Variants in PDZRN3 observed in about 807,000 individuals in gnomAD.
PDZRN3 encodes the protein E3 ubiquitin-protein ligase PDZRN3.
Under a neutral mutation model 85.7 loss-of-function variants are expected in PDZRN3, and 38 were observed. The ratio of observed to expected loss-of-function variants is 0.44; its 90% CI spans 0.34 to 0.58. The LOEUF (loss-of-function observed/expected upper bound fraction) is 0.58. Among genes scored for constraint, PDZRN3 ranks in the 20% least tolerant of loss-of-function variants. The probability of loss-of-function intolerance (pLI) is 0.01; values close to 1 mark genes in which losing one functional copy is unlikely to be tolerated. For synonymous variants in PDZRN3, 759 were observed against 638.0 expected, an observed-to-expected ratio of 1.19 and a Z score of -2.86; for missense variants, 1,629 against 1,506.4, an observed-to-expected ratio of 1.08 and a Z score of -1.35.
intron 3 of PDZRN3, among the ~76,000 whole-genome samples, chr3:73,417,083 T>C (rs1243462049): frequency 6.6e-6 from 1 of 151,962 alleles, no homozygotes; most frequent in East Asian, 1.9e-4. Flanking sequence ...GGTTTCACCA[T>C]GTTGGCCAGG....
chr3:73,573,772 C>CACATAT lies in PDZRN3; in HGVS notation c.918+28576_918+28581dup, dbSNP rs71126879. Among the ~76,000 whole-genome samples, 48 of 150,862 alleles carry CACATAT rather than the reference C, an allele frequency of 3.2e-4. 1 individual carries two copies. Among genetic ancestry groups the CACATAT allele is most frequent in the Admixed American group, 5.3e-4 (8 of 15,112 alleles). On this transcript the variant is annotated intron_variant, in intron 3 of 9. Coordinates refer to ENST00000263666, the MANE Select transcript of PDZRN3 (RefSeq NM_015009.3). ...ATAGCCACACACACAAATACATACACACATATACATATACATATACATATA... is the reference window on the plus strand; with the variant it reads ...ATAGCCACACACACAAATACATACACACATATACATATACATATACATATACATATA...
At chr3:73,493,574 G>A (rs1259096909) in intron 3 of PDZRN3, among the ~76,000 whole-genome samples, 5 of 152,056 alleles carry the variant, frequency 3.3e-5, no homozygotes, top group African/African-American at 7.2e-5. Flanking sequence ...TGGTATCCCT[G>A]TAATGTGCAC....
intron 1 of PDZRN3, among the ~76,000 whole-genome samples, chr3:73,621,045 A>C (rs893984773): frequency 3.3e-5 from 5 of 152,252 alleles, no homozygotes; most frequent in Non-Finnish European, 7.3e-5. Context: ...GACCAGCATC[A>C]TCTGGGAGCT....
At chr3:73,390,278 A>G (rs1007747842) in intron 6 of PDZRN3, among the ~76,000 whole-genome samples, 1 of 152,242 alleles carries the variant, frequency 6.6e-6, no homozygotes, top group African/African-American at 2.4e-5. Context: ...AATTTGGAAA[A>G]TAACTTTAAA....
At chr3:73,509,342 G>A (rs920186421) in intron 3 of PDZRN3, among the ~76,000 whole-genome samples, 13 of 152,224 alleles carry the variant, frequency 8.5e-5, no homozygotes, top group African/African-American at 3.1e-4. Flanking sequence ...GGACCCAGGA[G>A]GACGCAGACC....
At chr3:73,393,829 A>G (rs1419206641) in intron 5 of PDZRN3, among the ~76,000 whole-genome samples, 1 of 152,212 alleles carries the variant, frequency 6.6e-6, no homozygotes, top group Non-Finnish European at 1.5e-5. Context: ...GCCTACTACC[A>G]AACATGTAGG....
At chr3:73,547,223 A>G (rs1039975244) in intron 3 of PDZRN3, among the ~76,000 whole-genome samples, 8 of 152,160 alleles carry the variant, frequency 5.3e-5, no homozygotes, top group African/African-American at 1.9e-4. Flanking sequence ...GACTCATTTC[A>G]TTTCTGTGGT....
intron 3 of PDZRN3, among the ~76,000 whole-genome samples, chr3:73,570,075 C>T (rs1300464185): frequency 6.6e-6 from 1 of 152,180 alleles, no homozygotes; most frequent in Non-Finnish European, 1.5e-5. Context: ...TACTACCCCG[C>T]TGACACATTA....
In PDZRN3 at chr3:73,617,709, A is replaced by AT. The variant is rs68016618; in HGVS notation, c.723+6393dup. Among the ~76,000 whole-genome samples the AT allele has an allele frequency of 2.0e-3, 291 of 148,014 alleles. 3 individuals are homozygous for AT. In the East Asian group the frequency reaches 0.028, roughly 14 times the overall value. On this transcript the variant is annotated intron_variant, in intron 1 of 9. Coordinates refer to ENST00000263666, the MANE Select transcript of PDZRN3 (RefSeq NM_015009.3). ...CATCATCTCTTTTTTGTCTAAATCT[A>AT]TTTTTTTTTTTAACAGGGTCTCACT... is the stretch of plus-strand genomic sequence containing the variant.
At chr3:73,462,256 T>C (rs1217842198) in intron 3 of PDZRN3, among the ~76,000 whole-genome samples, 1 of 152,120 alleles carries the variant, frequency 6.6e-6, no homozygotes, top group African/African-American at 2.4e-5. Context: ...AGTCATACTT[T>C]TGTCATTAAA....
intron 7 of PDZRN3, among the ~76,000 whole-genome samples, chr3:73,388,383 GGAA>G (rs1349900003): frequency 4.6e-5 from 7 of 152,014 alleles, no homozygotes; most frequent in African/African-American, 1.7e-4. Context: ...CTCTGCAGAG[GGAA>G]CATGGAAGCA....
chr3:73,505,794 C>T (rs1704059764), intron 3 of PDZRN3, among the ~76,000 whole-genome samples: 1 of 151,552 alleles, frequency 6.6e-6, no homozygotes, highest in Non-Finnish European at 1.5e-5. Flanking sequence ...CACATAAAGT[C>T]AGTGTGAGGA....
At chr3:73,501,113 T>A (rs1390964129) in intron 3 of PDZRN3, among the ~76,000 whole-genome samples, 1 of 152,226 alleles carries the variant, frequency 6.6e-6, no homozygotes, top group African/African-American at 2.4e-5. Context: ...CAGCTTATCA[T>A]TATAAACTCT....
chr3:73,529,550 T>A (rs1203527143), intron 3 of PDZRN3, among the ~76,000 whole-genome samples: 1 of 152,252 alleles, frequency 6.6e-6, no homozygotes, highest in Non-Finnish European at 1.5e-5. Context: ...CATCCATTTC[T>A]AATTCAAGCC....
chr3:73,464,621 A>G (rs1235660203), intron 3 of PDZRN3, among the ~76,000 whole-genome samples: 1 of 152,118 alleles, frequency 6.6e-6, no homozygotes, highest in Non-Finnish European at 1.5e-5. Context: ...TCCCCAGTAC[A>G]ACGTTGAATC....
Position 73,385,758 on chromosome 3 carries a change from T to C in PDZRN3, c.1546A>G (p.Arg516Gly). ...QLDEGWMDDD[R>G]NDFLDDLHMD... ...TGCAGGTCATCCAGAAAGTCGTTCC[T>C]GTCATCATCCATCCAGCCCTCATCC... Residue 516 changes from arginine to glycine, a missense_variant, in exon 9 of 10, where the codon AGG becomes GGG. Coordinates refer to ENST00000263666, the MANE Select transcript of PDZRN3 (RefSeq NM_015009.3). The C allele has an allele frequency of 1.2e-6, 2 of 1,613,268 alleles. No individual in the cohort carries two copies. Among genetic ancestry groups the C allele is most frequent in the South Asian group, 1.1e-5 (1 of 91,066 alleles).
At position 73,540,086 on chromosome 3, in the gene PDZRN3, TGA is replaced by T. The variant is rs1491354530; in HGVS notation, c.918+62266_918+62267del. ...GACAGATGCTCTGAAAACTGTTGGA[TGA>T]AAAAAAAAAAAAAAAAAAAAAAACA... On this transcript the variant is annotated intron_variant, in intron 3 of 9. Transcript: ENST00000263666. Among the ~76,000 whole-genome samples, 129 of 32,878 alleles carry T rather than the reference TGA, an allele frequency of 3.9e-3. 1 individual carries two copies. The highest frequency in any genetic ancestry group is 0.018 in the African/African-American group (124 of 6,886). The allele number at this position is 32,878 out of a possible 152,430, so 21.6% of individuals were successfully genotyped here.
intron 3 of PDZRN3, chr3:73,561,527 G>C (rs1701814045): frequency 6.6e-6 from 1 of 152,194 alleles, no homozygotes; most frequent in African/African-American, 2.4e-5. Context: ...GACATCTCAG[G>C]TGTATCCTAA....
chr3:73,613,823 T>G (rs762563976), intron 1 of PDZRN3, among the ~76,000 whole-genome samples: 54 of 152,160 alleles, frequency 3.5e-4, no homozygotes, highest in Non-Finnish European at 7.1e-4. Flanking sequence ...CTCTATCAGA[T>G]ACTTAGGACC....
Sources: allele counts gnomAD v4.1 joint callset (sites outside exome capture counted in the v4.1 genomes callset), GRCh38; gene constraint gnomAD v4.1.1; transcripts MANE v1.5; gene names NCBI Gene and HGNC (gene_info 2026-07-23, HGNC 2026-07-21).